Variants in SCNN1B observed in about 807,000 individuals in gnomAD.
The protein encoded by SCNN1B is epithelial sodium channel subunit beta.
SCNN1B carries 46 observed loss-of-function variants against 65.3 expected under a neutral mutation model. That is an observed-to-expected ratio of 0.70 (90% CI 0.56 to 0.90). SCNN1B has a LOEUF of 0.90. SCNN1B is among the 40% of genes least tolerant of loss of function. SCNN1B has a pLI of 0.00. For missense variants in SCNN1B, 751 were observed against 830.5 expected, an observed-to-expected ratio of 0.90 and a Z score of 1.18; for synonymous variants, 349 against 330.6, an observed-to-expected ratio of 1.06 and a Z score of -0.60.
At chr16:23,305,485 T>C (rs1316536005) in intron 1 of SCNN1B, among the ~76,000 whole-genome samples, 1 of 127,650 alleles carries the variant, frequency 7.8e-6, no homozygotes, top group African/African-American at 2.8e-5. Flanking sequence ...AGGAGATCAA[T>C]ATCAGTCTGA....
At chr16:23,317,595 G>A (rs1961499160) in intron 1 of SCNN1B, among the ~76,000 whole-genome samples, 1 of 152,220 alleles carries the variant, frequency 6.6e-6, no homozygotes. Flanking sequence ...TCCTTTTCCA[G>A]GCTGCACGGA....
chr16:23,297,787 A>G (rs1477779301), upstream of SCNN1B, among the ~76,000 whole-genome samples: 4 of 152,204 alleles, frequency 2.6e-5, no homozygotes, highest in Non-Finnish European at 1.5e-5. Context: ...ATGGGGTGGT[A>G]ATGAATGAAG....
At chr16:23,378,257 ACCT>A (rs1445041177) in intron 10 of SCNN1B, among the ~76,000 whole-genome samples, 1 of 152,120 alleles carries the variant, frequency 6.6e-6, no homozygotes, top group Admixed American at 6.5e-5. Context: ...CGATCCTCCC[ACCT>A]CAGCCTCCCA....
Position 23,380,851 on chromosome 16 carries a change from C to T in SCNN1B, c.*50C>T. 6.2e-7 allele frequency: 1 copy of T among 1,604,800 alleles called. No individual in the cohort carries two copies. Among genetic ancestry groups the T allele is most frequent in the Non-Finnish European group, 8.5e-7 (1 of 1,174,306 alleles). On this transcript the variant is annotated 3_prime_UTR_variant, in exon 13 of 13. Coordinates refer to ENST00000343070, the MANE Select transcript of SCNN1B (RefSeq NM_000336.3). The surrounding 1 kb of genome is among the most constrained non-coding windows in gnomAD (Gnocchi z 5.4). ...GCTGAAACTCACTGAGCAGCCAAGA[C>T]TGTTGCCCGAGGCCTCACTGTATGG...
At chr16:23,300,992 A>ACGTGTGTG (rs1031062647), upstream of SCNN1B, among the ~76,000 whole-genome samples, 2 of 100,600 alleles carry the variant, frequency 2.0e-5, no homozygotes, top group African/African-American at 1.2e-4. Flanking sequence ...TGTTAAAAAC[A>ACGTGTGTG]CGTGTGTGTG....
chr16:23,289,463 A>T (rs551625087), intron 2 of SCNN1B, among the ~76,000 whole-genome samples: 4 of 151,908 alleles, frequency 2.6e-5, no homozygotes, highest in South Asian at 4.2e-4. Flanking sequence ...AAGCTGGAGG[A>T]TCGATTAAGC....
At chr16:23,320,369 A>G (rs1014241487) in intron 1 of SCNN1B, among the ~76,000 whole-genome samples, 1 of 152,166 alleles carries the variant, frequency 6.6e-6, no homozygotes, top group African/African-American at 2.4e-5. Flanking sequence ...CCAGACTTGG[A>G]GAACCACTGC....
intron 4 of SCNN1B, among the ~76,000 whole-genome samples, chr16:23,367,132 C>A (rs1962685499): frequency 6.6e-6 from 1 of 152,176 alleles, no homozygotes; most frequent in Non-Finnish European, 1.5e-5. Context: ...CCTGGATAAT[C>A]CAAGATGACC....
intron 5 of SCNN1B, among the ~76,000 whole-genome samples, chr16:23,368,715 A>C (rs1962722902): frequency 6.6e-6 from 1 of 152,238 alleles, no homozygotes; most frequent in Admixed American, 6.5e-5. Context: ...TCACCTGCCT[A>C]GGAAGTAGGG....
intron 2 of SCNN1B, among the ~76,000 whole-genome samples, chr16:23,291,962 G>A (rs1057031762): frequency 6.6e-6 from 1 of 151,778 alleles, no homozygotes; most frequent in African/African-American, 2.4e-5. Flanking sequence ...TGTAAATACT[G>A]TAATGTTATA....
At chr16:23,314,329 G>T (rs998229502) in intron 1 of SCNN1B, among the ~76,000 whole-genome samples, 4 of 152,144 alleles carry the variant, frequency 2.6e-5, no homozygotes, top group African/African-American at 9.7e-5. Flanking sequence ...CGCCCGGCCA[G>T]GTACAATTAT....
In SCNN1B at chr16:23,352,803, A is replaced by G. The variant is rs749650991; in HGVS notation, c.314A>G (p.Tyr105Cys). 6.2e-7 allele frequency: 1 copy of G among 1,614,096 alleles called. No homozygotes were observed. The highest frequency in any genetic ancestry group is 8.5e-7 in the Non-Finnish European group (1 of 1,180,016). ...VTICNASPFK[Y>C]SKIKHLLKDL... ...TAACCAGCCCTCTCCCCATCCAGGT[A>G]TTCCAAAATCAAGCATTTGCTGAAG... The change falls in exon 3 of 13, where the codon TAT becomes TGT. Residue 105 changes from tyrosine (Y) to cysteine (C), a missense_variant and splice_region_variant. By Grantham distance (194) the Tyr-to-Cys change is radical. Coordinates refer to ENST00000343070, the MANE Select transcript of SCNN1B (RefSeq NM_000336.3).
intron 1 of SCNN1B, among the ~76,000 whole-genome samples, chr16:23,282,017 C>T (rs1335895031): frequency 1.3e-5 from 2 of 152,006 alleles, no homozygotes; most frequent in African/African-American, 4.8e-5. Context: ...CATGGGGAAA[C>T]TCCGTCTCTA....
intron 7 of SCNN1B, among the ~76,000 whole-genome samples, chr16:23,374,400 C>G (rs938915753): frequency 6.6e-6 from 1 of 150,454 alleles, no homozygotes; most frequent in African/African-American, 2.4e-5. Flanking sequence ...ATAGTGAAAC[C>G]TGGTCTCTAC....
intron 4 of SCNN1B, among the ~76,000 whole-genome samples, chr16:23,365,219 G>A (rs1312780333): frequency 6.6e-6 from 1 of 151,826 alleles, no homozygotes; most frequent in East Asian, 1.9e-4. Context: ...TTGAATCCAG[G>A]AGGCAGAGGT....
chr16:23,380,900 G>T lies in SCNN1B; in HGVS notation c.*99G>T. ...GGTGCCCTCTCCAAAGGGTCGGGAG[G>T]GTAGCTCTCCAGGCCAGAGCTTGTG... is the stretch of plus-strand genomic sequence containing the variant. On this transcript the variant is annotated 3_prime_UTR_variant, in exon 13 of 13. Coordinates refer to ENST00000343070, the MANE Select transcript of SCNN1B (RefSeq NM_000336.3). The surrounding 1 kb of genome is among the most constrained non-coding windows in gnomAD (Gnocchi z 5.4). 7.4e-7 allele frequency: 1 copy of T among 1,356,846 alleles called. No homozygotes were observed. The highest frequency in any genetic ancestry group is 1.2e-5 in the South Asian group (1 of 85,566). 84.1% of individuals were successfully genotyped at this position (1,356,846 alleles called of 1,614,324 possible). A position where few individuals can be genotyped will look rare whatever the true frequency, so the allele number is the denominator to read the frequency against.
intron 5 of SCNN1B, among the ~76,000 whole-genome samples, chr16:23,370,385 T>C (rs1239682553): frequency 1.3e-5 from 2 of 152,042 alleles, no homozygotes; most frequent in Non-Finnish European, 2.9e-5. Flanking sequence ...AGATTACAGG[T>C]GTGAGCCACT....
At chr16:23,292,479 A>G (rs900547639) in intron 2 of SCNN1B, among the ~76,000 whole-genome samples, 15 of 149,366 alleles carry the variant, frequency 1.0e-4, no homozygotes, top group East Asian at 2.0e-4. Context: ...TTACAGGCAT[A>G]AGCCACCGTG....
At chr16:23,352,595 C>T (rs888273519) in intron 2 of SCNN1B, among the ~76,000 whole-genome samples, 1 of 152,178 alleles carries the variant, frequency 6.6e-6, no homozygotes, top group African/African-American at 2.4e-5. Flanking sequence ...TCACCTTCCG[C>T]CATGATTGTA....
Sources: allele counts gnomAD v4.1 joint callset (sites outside exome capture counted in the v4.1 genomes callset), GRCh38; gene constraint gnomAD v4.1.1; non-coding constraint Gnocchi (gnomAD v3.1); transcripts MANE v1.5; gene names NCBI Gene and HGNC (gene_info 2026-07-23, HGNC 2026-07-21).